The following ABCB5 variants were observed in gnomAD, a reference collection of about 807,000 sequenced individuals.
ABCB5 encodes the protein ATP binding cassette subfamily B member 5, also known as ATP-binding cassette sub-family B member 5.
Under a neutral mutation model 144.2 loss-of-function variants are expected in ABCB5, and 155 were observed. The ratio of observed to expected loss-of-function variants is 1.08; its 90% CI spans 0.94 to 1.23. The LOEUF is 1.23. ABCB5 is among the 50% of genes most tolerant of loss of function. The pLI is 0.00. For synonymous variants in ABCB5, 610 were observed against 528.6 expected (o/e 1.15, Z -2.11); for missense variants, 1,830 against 1,520.8 (o/e 1.20, Z -3.38).
chr7:20,697,083 G>A (rs1310229891), intron 16 of ABCB5, among the ~76,000 whole-genome samples: 1 of 152,024 alleles, frequency 6.6e-6, no homozygotes, highest in Non-Finnish European at 1.5e-5. Flanking sequence ...TTAAATTTTT[G>A]TACATTCTTT....
At chr7:20,675,780 A>C (rs1020914773) in intron 14 of ABCB5, among the ~76,000 whole-genome samples, 1 of 151,948 alleles carries the variant, frequency 6.6e-6, no homozygotes, top group Non-Finnish European at 1.5e-5. Context: ...TTAATATCTA[A>C]AATATATAAG....
intron 20 of ABCB5, among the ~76,000 whole-genome samples, chr7:20,718,280 T>C (rs1014357376): frequency 2.0e-5 from 3 of 152,154 alleles, no homozygotes; most frequent in Non-Finnish European, 4.4e-5. Context: ...AGGGACACAA[T>C]GTAGCCTATA....
At chr7:20,739,632 G>GA (rs1238919055) in intron 24 of ABCB5, among the ~76,000 whole-genome samples, 2 of 151,218 alleles carry the variant, frequency 1.3e-5, no homozygotes, top group African/African-American at 4.9e-5. Context: ...GAATGTTCTT[G>GA]AAAAAAAAGA....
intron 16 of ABCB5, among the ~76,000 whole-genome samples, chr7:20,686,445 C>T (rs1014154251): frequency 1.1e-4 from 17 of 152,178 alleles, no homozygotes; most frequent in African/African-American, 3.9e-4. Flanking sequence ...TTTTCTGTCT[C>T]AATTCCACTT....
chr7:20,668,554 G>A (rs1432777791), intron 14 of ABCB5, among the ~76,000 whole-genome samples: 6 of 151,640 alleles, frequency 4.0e-5, no homozygotes, highest in East Asian at 4.0e-4. Context: ...AATGAGGAGC[G>A]TCTCCGCCCG....
chr7:20,668,597 G>GGA (rs1391574871), intron 14 of ABCB5, among the ~76,000 whole-genome samples: 131 of 148,112 alleles, frequency 8.8e-4, no homozygotes, highest in Non-Finnish European at 5.1e-4. Flanking sequence ...AGGTGGGGGG[G>GGA]GGGGTCAGCC....
chr7:20,722,886 T>G, intron 20 of ABCB5, 130 bp from the exon 21 acceptor site: 1 of 681,910 alleles, frequency 1.5e-6, no homozygotes, highest in Non-Finnish European at 2.4e-6. Flanking sequence ...AAAGTATAAA[T>G]TCAAGGCATA....
At chr7:20,698,017 T>C (rs1228322727) in intron 16 of ABCB5, among the ~76,000 whole-genome samples, 5 of 152,244 alleles carry the variant, frequency 3.3e-5, no homozygotes, top group Non-Finnish European at 5.9e-5. Context: ...ACATTTTCTT[T>C]TCTTAGCTTC....
At chr7:20,731,888 C>G (rs1432159346) in intron 23 of ABCB5, among the ~76,000 whole-genome samples, 4 of 152,190 alleles carry the variant, frequency 2.6e-5, no homozygotes, top group Middle Eastern at 3.2e-3. Context: ...ACAACCTCAC[C>G]AATGTCCTTG....
At position 20,641,207 on chromosome 7, in the gene ABCB5, T is replaced by C. The variant is rs141003219; in HGVS notation, c.315-1977T>C. ...TCTTTGTCCCAGTCTCTCACATCTA[T>C]AAGTGATACCCTCATCACCAGCTGC... On this transcript the variant is annotated intron_variant, in intron 5 of 27. Transcript: ENST00000404938. Among the ~76,000 whole-genome samples the C allele has an allele frequency of 3.8e-3, 572 of 152,320 alleles. 1 individual carries two copies. The highest frequency in any genetic ancestry group is 0.012 in the African/African-American group (504 of 41,576).
In ABCB5 at chr7:20,718,323, A is replaced by G. The variant is rs1781754418; in HGVS notation, c.2422-4693A>G. On this transcript the variant is annotated intron_variant, in intron 20 of 27. Coordinates refer to ENST00000404938, the MANE Select transcript of ABCB5 (RefSeq NM_001163941.2). ...TCACCATTTATCTCTTTTATCCTTA[A>G]ACTTCCAGGGGATGAACTGTAAGTC... Among the ~76,000 whole-genome samples, 2 of 152,102 alleles carry G rather than the reference A, an allele frequency of 1.3e-5. 1 individual carries two copies. The highest frequency in any genetic ancestry group is 4.1e-4 in the South Asian group (2 of 4,826).
At chr7:20,685,948 C>T (rs530243602) in intron 16 of ABCB5, 112 bp downstream of exon 16, 18 of 1,137,928 alleles carry the variant, frequency 1.6e-5, no homozygotes, top group African/African-American at 6.4e-5. Context: ...TAGCACTAAG[C>T]TCACAAAACA....
chr7:20,668,220 A>C (rs6965511), intron 14 of ABCB5, among the ~76,000 whole-genome samples: 9 of 70,596 alleles, frequency 1.3e-4, no homozygotes, highest in African/African-American at 4.0e-4. Flanking sequence ...GCCTGGCTGC[A>C]CAGTCTGGAA....
chr7:20,674,841 A>C (rs948109311), intron 14 of ABCB5, among the ~76,000 whole-genome samples: 1 of 151,718 alleles, frequency 6.6e-6, no homozygotes, highest in Non-Finnish European at 1.5e-5. Flanking sequence ...AATCAACATA[A>C]AAAAATTAGT....
At position 20,696,537 on chromosome 7, in the gene ABCB5, G is replaced by C. The variant is rs116705624; in HGVS notation, c.2011-1870G>C. ...TTGATGTTTTCCTGAGTCTGTAGCA[G>C]TGTTCAAATTTATCAAATTTTACAT... On this transcript the variant is annotated intron_variant, in intron 16 of 27. Coordinates refer to ENST00000404938, the MANE Select transcript of ABCB5 (RefSeq NM_001163941.2). Among the ~76,000 whole-genome samples the C allele has an allele frequency of 4.0e-3, 606 of 152,160 alleles. 4 individuals are homozygous for C. Among genetic ancestry groups the C allele is most frequent in the African/African-American group, 0.014 (569 of 41,540 alleles).
intron 21 of ABCB5, 125 bp downstream of exon 21, chr7:20,723,344 C>T: frequency 4.0e-6 from 4 of 1,005,358 alleles, no homozygotes; most frequent in Non-Finnish European, 5.9e-6. Context: ...TCTTAGGGAT[C>T]TGTAAAGTGA....
intron 23 of ABCB5, among the ~76,000 whole-genome samples, chr7:20,733,722 T>C (rs1782297022): frequency 1.3e-5 from 2 of 151,110 alleles, no homozygotes; most frequent in African/African-American, 4.9e-5. Flanking sequence ...CGCCGCAAAC[T>C]CCGCTTCCTG....
chr7:20,746,777 C>G (rs1782738073), intron 26 of ABCB5, among the ~76,000 whole-genome samples: 1 of 152,088 alleles, frequency 6.6e-6, no homozygotes, highest in Non-Finnish European at 1.5e-5. Context: ...GTTTGCAACA[C>G]ACATACACAC....
At chr7:20,670,373 T>C (rs1259037607) in intron 14 of ABCB5, among the ~76,000 whole-genome samples, 2 of 118,318 alleles carry the variant, frequency 1.7e-5, no homozygotes, top group Non-Finnish European at 3.4e-5. Context: ...AAAGCTATTC[T>C]AAAAAAAGAA....
Sources: gnomAD v4.1 joint callset for allele counts (sites outside exome capture counted in the v4.1 genomes callset) on GRCh38, gnomAD v4.1.1 for gene constraint, MANE v1.5 for transcripts, NCBI Gene and HGNC (gene_info 2026-07-23, HGNC 2026-07-21) for gene names.